MUC7: variants seen among roughly 807,000 people sequenced by gnomAD.
The protein encoded by MUC7 is mucin-7.
A neutral mutation model predicts 2.5 loss-of-function variants in MUC7; 2 were observed. The ratio of observed to expected loss-of-function variants is 0.81; its 90% CI spans 0.33 to 2.55. MUC7 has a LOEUF of 2.55. Ranked by LOEUF, MUC7 falls within the 30% of genes most tolerant of loss-of-function variation. The pLI is 0.11. For missense variants in MUC7, 408 were observed against 455.6 expected (o/e 0.90, Z 0.95); for synonymous variants, 133 against 173.4 (o/e 0.77, Z 1.83).
upstream of MUC7, among the ~76,000 whole-genome samples, chr4:70,471,618 A>C (rs1402654156): frequency 6.6e-6 from 1 of 152,208 alleles, no homozygotes; most frequent in Non-Finnish European, 1.5e-5. Flanking sequence ...GAATGAGTAT[A>C]TAGTTCTACT....
At chr4:70,480,287 T>G (rs1735127071) in intron 2 of MUC7, among the ~76,000 whole-genome samples, 1 of 152,224 alleles carries the variant, frequency 6.6e-6, no homozygotes, top group Non-Finnish European at 1.5e-5. Flanking sequence ...ATGGAGAACA[T>G]GAAGCCGGGG....
chr4:70,454,107 G>A (rs1263829659), intron 1 of MUC7, among the ~76,000 whole-genome samples: 4 of 152,018 alleles, frequency 2.6e-5, no homozygotes, highest in South Asian at 2.1e-4. Flanking sequence ...GCTGCCTGTG[G>A]CTAGGGGAAG....
intron 1 of MUC7, among the ~76,000 whole-genome samples, chr4:70,459,448 G>T (rs189163283): frequency 7.6e-4 from 116 of 152,262 alleles, no homozygotes; most frequent in Middle Eastern, 3.4e-3. Context: ...GGGGAGCGAG[G>T]AGGGATAGCA....
rs201000387 is a variant in MUC7, at chr4:70,481,762, C to G, written c.1018C>G (p.Gln340Glu). ...CCAGACTACTACTTCGGTCACTACT[C>G]AAACTACTACTACTAAACAACCAAC... ...THQTTTSVTT[Q>E]TTTTKQPTSA... is the part of the protein sequence containing the mutation. The change falls in exon 3 of 3, where the codon CAA becomes GAA. Residue 340 changes from glutamine (Q) to glutamate (E), a missense_variant. Physicochemically the swap from Gln to Glu is conservative, Grantham distance 29. Transcript: ENST00000304887. The G allele has an allele frequency of 3.6e-5, 58 of 1,614,188 alleles. No individual in the cohort carries two copies. In the African/African-American group the frequency reaches 5.2e-4, roughly 14 times the overall value.
In MUC7 at chr4:70,472,285, G is replaced by A. The variant is rs529042319; in HGVS notation, c.-22G>A. 6 of 152,244 alleles carry A rather than the reference G, an allele frequency of 3.9e-5. No homozygotes were observed. The highest frequency in any genetic ancestry group is 1.2e-4 in the African/African-American group (5 of 41,536). The allele number at this position is 152,244 out of a possible 1,614,324, so 9.4% of individuals were successfully genotyped here. On this transcript the variant is annotated 5_prime_UTR_variant, in exon 1 of 3. Transcript: ENST00000304887. Reference sequence around the variant, plus strand: ...CACCCTAAGAAGAAAGATTCACACTGCACCAGGTATGTGGATACTTTAGAT... The same window carrying A: ...CACCCTAAGAAGAAAGATTCACACTACACCAGGTATGTGGATACTTTAGAT...
At chr4:70,477,866 A>G (rs1021971979) in intron 2 of MUC7, among the ~76,000 whole-genome samples, 2 of 152,222 alleles carry the variant, frequency 1.3e-5, no homozygotes, top group African/African-American at 4.8e-5. Flanking sequence ...ATGAATGTGA[A>G]CAGGCAGGCA....
At chr4:70,453,180 G>A (rs1734322942) in intron 1 of MUC7, among the ~76,000 whole-genome samples, 2 of 152,168 alleles carry the variant, frequency 1.3e-5, no homozygotes, top group African/African-American at 4.8e-5. Context: ...TCAGCAGGTA[G>A]CAAAGCCAGC....
intron 1 of MUC7, among the ~76,000 whole-genome samples, chr4:70,444,100 C>T (rs1264082555): frequency 2.0e-5 from 3 of 152,194 alleles, no homozygotes; most frequent in Non-Finnish European, 2.9e-5. Flanking sequence ...AATATTGTGA[C>T]ATTTGCAATG....
intron 1 of MUC7, among the ~76,000 whole-genome samples, chr4:70,431,457 T>C (rs1349755210): frequency 6.6e-6 from 1 of 152,072 alleles, no homozygotes; most frequent in Non-Finnish European, 1.5e-5. Flanking sequence ...TTTAAGAGCA[T>C]ATGATTTTCA....
intron 2 of MUC7, among the ~76,000 whole-genome samples, chr4:70,479,144 G>C (rs1183105131): frequency 6.6e-6 from 1 of 152,114 alleles, no homozygotes; most frequent in Non-Finnish European, 1.5e-5. Flanking sequence ...GAATGACTTT[G>C]GGCAAGTCAC....
intron 1 of MUC7, among the ~76,000 whole-genome samples, chr4:70,457,241 G>C (rs1258223012): frequency 6.6e-6 from 1 of 152,136 alleles, no homozygotes; most frequent in African/African-American, 2.4e-5. Context: ...CAAGAAGTTT[G>C]AGACAAGCCT....
intron 1 of MUC7, among the ~76,000 whole-genome samples, chr4:70,456,434 TA>T (rs1350343869): frequency 6.6e-6 from 1 of 152,188 alleles, no homozygotes; most frequent in African/African-American, 2.4e-5. Context: ...GGGTAATTTA[TA>T]AATAGACTTA....
chr4:70,444,015 C>T (rs1269001839), intron 1 of MUC7, among the ~76,000 whole-genome samples: 1 of 152,176 alleles, frequency 6.6e-6, no homozygotes, highest in African/African-American at 2.4e-5. Flanking sequence ...GCCAAACTGA[C>T]CCTCATTTAT....
chr4:70,481,235 A>G lies in MUC7; in HGVS notation c.491A>G (p.Asp164Gly). ...CCAGTGAATTCCCCAGCTCCACAAG[A>G]CACCACAGCTGCCCCACCCACACCT... The part of the protein sequence containing the change: ...LAPVNSPAPQ[D>G]TTAAPPTPSA... The change falls in exon 3 of 3, where the codon GAC becomes GGC. Residue 164 changes from aspartate (D) to glycine (G), a missense_variant. Physicochemically the swap from Asp to Gly is moderately conservative, Grantham distance 94. Around this residue, in one of 3 missense-constraint regions of MUC7, gnomAD observed 225 missense variants for 240.5 expected, o/e 0.94. Transcript: ENST00000304887. 6.2e-7 allele frequency: 1 copy of G among 1,614,074 alleles called. No individual in the cohort carries two copies. The highest frequency in any genetic ancestry group is 8.5e-7 in the Non-Finnish European group (1 of 1,180,008).
chr4:70,460,709 G>A (rs1043171089), intron 1 of MUC7, among the ~76,000 whole-genome samples: 2 of 152,058 alleles, frequency 1.3e-5, no homozygotes, highest in Admixed American at 6.5e-5. Flanking sequence ...TGAGGACCCT[G>A]CAGTGCCTTT....
chr4:70,449,587 G>T (rs1179785818), intron 1 of MUC7, among the ~76,000 whole-genome samples: 1 of 152,112 alleles, frequency 6.6e-6, no homozygotes, highest in Non-Finnish European at 1.5e-5. Context: ...ATTTGTACCT[G>T]TCCTTCTTGG....
chr4:70,447,717 A>T (rs893249557), intron 1 of MUC7, among the ~76,000 whole-genome samples: 1 of 152,218 alleles, frequency 6.6e-6, no homozygotes, highest in Non-Finnish European at 1.5e-5. Flanking sequence ...ACAGGCATGC[A>T]GTGTATAATA....
intron 1 of MUC7, among the ~76,000 whole-genome samples, chr4:70,431,138 A>T (rs1733652033): frequency 1.3e-5 from 2 of 152,118 alleles, no homozygotes; most frequent in Non-Finnish European, 2.9e-5. Context: ...GACCACAAAA[A>T]TCTTTGATCT....
chr4:70,442,194 C>T (rs529005140), intron 1 of MUC7, among the ~76,000 whole-genome samples: 5 of 152,128 alleles, frequency 3.3e-5, no homozygotes, highest in East Asian at 1.9e-4. Flanking sequence ...ACTTTGGGTT[C>T]GTATATGTAC....
Sources: allele counts gnomAD v4.1 joint callset (sites outside exome capture counted in the v4.1 genomes callset), GRCh38; gene constraint gnomAD v4.1.1; regional missense constraint gnomAD v4.1.1; transcripts MANE v1.5; gene names NCBI Gene and HGNC (gene_info 2026-07-23, HGNC 2026-07-21).